TUT4: variants seen among roughly 807,000 people sequenced by gnomAD.
TUT4 encodes terminal uridylyltransferase 4.
A neutral mutation model predicts 192.2 loss-of-function variants in TUT4; 36 were observed. That is an observed-to-expected ratio of 0.19 (90% CI 0.14 to 0.25). The LOEUF (loss-of-function observed/expected upper bound fraction) is 0.25. Ranked by LOEUF, TUT4 falls within the 10% of genes least tolerant of loss-of-function variation. The pLI is 1.00. For synonymous variants in TUT4, 618 were observed against 666.0 expected, an observed-to-expected ratio of 0.93 and a Z score of 1.11; for missense variants, 1,493 against 1,957.2, an observed-to-expected ratio of 0.76 and a Z score of 4.47.
intron 20 of TUT4, among the ~76,000 whole-genome samples, chr1:52,456,151 C>A (rs1660871335): frequency 6.6e-6 from 1 of 152,048 alleles, no homozygotes; most frequent in African/African-American, 2.4e-5. Flanking sequence ...TGCCTGTAAT[C>A]CCAGCACTTT....
Position 52,537,596 on chromosome 1 carries a change from A to T in TUT4, c.-93-11223T>A, listed in dbSNP as rs148816241. 2.4e-4 allele frequency among the ~76,000 whole-genome samples: 36 copies of T among 152,310 alleles called. No individual in the cohort carries two copies. The East Asian group carries it at 6.9e-3, about 29-fold the overall frequency. On this transcript the variant is annotated intron_variant, in intron 1 of 29. Transcript: ENST00000257177. ...CCAGACAGAAAATCAAAAAGGAAAC[A>T]GAGGATTTGTGTAACACTATAAACT...
At chr1:52,463,484 C>A (rs774066946) in intron 16 of TUT4, 187 of 1,049,220 alleles carry the variant, frequency 1.8e-4, no homozygotes, top group Middle Eastern at 1.4e-3. Flanking sequence ...TCAAAACCAC[C>A]GTTCAAAAGA....
intron 16 of TUT4, chr1:52,463,343 T>A: frequency 1.0e-6 from 1 of 994,442 alleles, no homozygotes; most frequent in Non-Finnish European, 1.2e-6. Context: ...AGAATTTAAG[T>A]AAAGGAGAAC....
At chr1:52,478,091 G>GT (rs1296370263) in intron 11 of TUT4, among the ~76,000 whole-genome samples, 1 of 152,130 alleles carries the variant, frequency 6.6e-6, no homozygotes, top group Non-Finnish European at 1.5e-5. Flanking sequence ...CACTGAACCA[G>GT]TGATTCTCAA....
chr1:52,453,025 A>AC (rs759504306), intron 20 of TUT4, among the ~76,000 whole-genome samples: 14 of 150,776 alleles, frequency 9.3e-5, no homozygotes, highest in South Asian at 2.1e-4. Context: ...TATGGGGAAA[A>AC]CCCCCCCAAC....
intron 11 of TUT4, among the ~76,000 whole-genome samples, chr1:52,480,235 G>C (rs1027105375): frequency 2.3e-4 from 35 of 152,098 alleles, no homozygotes; most frequent in Admixed American, 9.8e-4. Flanking sequence ...AGAGATTACA[G>C]AGGAAAAAAG....
chr1:52,528,640 T>C (rs1288714924), intron 1 of TUT4, among the ~76,000 whole-genome samples: 1 of 152,132 alleles, frequency 6.6e-6, no homozygotes, highest in Non-Finnish European at 1.5e-5. Context: ...AAAAGCAAAC[T>C]GCATAGAATT....
chr1:52,543,772 C>T (rs1435914871), intron 1 of TUT4, among the ~76,000 whole-genome samples: 2 of 151,896 alleles, frequency 1.3e-5, no homozygotes, highest in African/African-American at 4.8e-5. Context: ...GCATGAGCCA[C>T]TGTGCCTGGC....
At chr1:52,432,926 T>C (rs1025870967) in intron 27 of TUT4, 3 of 152,250 alleles carry the variant, frequency 2.0e-5, no homozygotes, top group Admixed American at 6.5e-5. Flanking sequence ...GTCTCAAAAA[T>C]GAATGAATAA....
intron 9 of TUT4, among the ~76,000 whole-genome samples, chr1:52,482,244 GTCT>G (rs1668658051): frequency 1.3e-5 from 2 of 152,006 alleles, no homozygotes; most frequent in African/African-American, 4.8e-5. Flanking sequence ...AACCTTCTAT[GTCT>G]TCTTCTAGGC....
At chr1:52,497,294 C>G (rs138231375) in intron 4 of TUT4, 111 bp from the exon 5 acceptor site, 1 of 1,088,524 alleles carries the variant, frequency 9.2e-7, no homozygotes, top group African/African-American at 1.6e-5. Flanking sequence ...AAATATTCAC[C>G]TTCCATCTAC....
chr1:52,547,969 G>T (rs1324406758), intron 1 of TUT4, among the ~76,000 whole-genome samples: 2 of 152,014 alleles, frequency 1.3e-5, no homozygotes, highest in African/African-American at 2.4e-5. Flanking sequence ...CCACTGAATT[G>T]TATCTTTTAA....
chr1:52,456,770 T>A (rs560936172), intron 20 of TUT4, among the ~76,000 whole-genome samples: 1 of 152,294 alleles, frequency 6.6e-6, no homozygotes, highest in South Asian at 2.1e-4. Flanking sequence ...TATTGATGTA[T>A]CATTGATTAT....
chr1:52,462,791 T>G, intron 16 of TUT4: 1 of 985,182 alleles, frequency 1.0e-6, no homozygotes, highest in Non-Finnish European at 1.2e-6. Flanking sequence ...GTGTTACTCT[T>G]GTAAAAACCA....
intron 4 of TUT4, among the ~76,000 whole-genome samples, chr1:52,506,967 G>C (rs6588429): frequency 0.33 from 49,781 of 152,050 alleles, 12,181 homozygotes; most frequent in African/African-American, 0.7. Flanking sequence ...CATTTTGAAT[G>C]TTGCCTTTAA....
chr1:52,472,228 T>TAAA, intron 13 of TUT4, 126 bp from the exon 14 acceptor site: 1 of 791,146 alleles, frequency 1.3e-6, no homozygotes, highest in Non-Finnish European at 1.8e-6. Context: ...AGGAGGTAAT[T>TAAA]AAAAAAAAAA....
At chr1:52,523,663 G>GT (rs942628316) in intron 2 of TUT4, among the ~76,000 whole-genome samples, 1 of 151,188 alleles carries the variant, frequency 6.6e-6, no homozygotes, top group African/African-American at 2.4e-5. Context: ...GTACCATGAT[G>GT]TTTACATTTT....
intron 2 of TUT4, among the ~76,000 whole-genome samples, chr1:52,524,512 A>T (rs989998417): frequency 6.6e-6 from 1 of 150,440 alleles, no homozygotes; most frequent in African/African-American, 2.5e-5. Context: ...TGACAGAGCG[A>T]GACTCCATCT....
chr1:52,464,975 G>A (rs1663712615), intron 16 of TUT4, 95 bp downstream of exon 16: 1 of 923,394 alleles, frequency 1.1e-6, no homozygotes, highest in African/African-American at 1.7e-5. Flanking sequence ...TACAAAGAGT[G>A]ATACCACATT....
Sources: allele counts gnomAD v4.1 joint callset (sites outside exome capture counted in the v4.1 genomes callset), GRCh38; gene constraint gnomAD v4.1.1; transcripts MANE v1.5; gene names NCBI Gene and HGNC (gene_info 2026-07-23, HGNC 2026-07-21).